CYFIP1: variants seen among roughly 807,000 people sequenced by gnomAD.
CYFIP1 encodes the protein cytoplasmic FMR1 interacting protein 1, also known as cytoplasmic FMR1-interacting protein 1.
Under a neutral mutation model 163.5 loss-of-function variants are expected in CYFIP1, and 58 were observed. The ratio of observed to expected loss-of-function variants is 0.35; its 90% CI spans 0.29 to 0.44. The LOEUF is 0.44. CYFIP1 is among the 20% of genes least tolerant of loss of function. CYFIP1 has a pLI of 1.00. For synonymous variants in CYFIP1, 663 were observed against 660.7 expected, an observed-to-expected ratio of 1.00 and a Z score of -0.05; for missense variants, 1,338 against 1,653.8, an observed-to-expected ratio of 0.81 and a Z score of 3.31.
At chr15:22,928,288 C>G (rs1384941979) in intron 11 of CYFIP1, among the ~76,000 whole-genome samples, 1 of 152,164 alleles carries the variant, frequency 6.6e-6, no homozygotes, top group Non-Finnish European at 1.5e-5. Context: ...GAGGCTGAGG[C>G]AGGAGAATGG....
chr15:22,909,346 A>C, intron 20 of CYFIP1, 33 bp from the exon 21 acceptor site: 2 of 1,611,878 alleles, frequency 1.2e-6, no homozygotes, highest in Non-Finnish European at 1.7e-6. Flanking sequence ...GCAGGTAAAG[A>C]GTGGACATGA....
chr15:22,951,317 C>T (rs1205604085), intron 1 of CYFIP1: 5 of 1,146,538 alleles, frequency 4.4e-6, no homozygotes, highest in Non-Finnish European at 5.5e-6. Context: ...CTCTCGTCCA[C>T]TTCCCTCCAC....
intron 30 of CYFIP1, chr15:22,872,487 G>T (rs2059464891): frequency 3.9e-6 from 1 of 254,530 alleles, no homozygotes; most frequent in Non-Finnish European, 7.6e-6. Flanking sequence ...GATCCATAAA[G>T]CAACAAAGAC....
At chr15:22,939,643 G>C (rs1212150283) in intron 6 of CYFIP1, 136 bp from the exon 7 acceptor site, 1 of 749,290 alleles carries the variant, frequency 1.3e-6, no homozygotes, top group Non-Finnish European at 2.1e-6. Context: ...GTCAATCTCA[G>C]AAGCCACCTA....
Position 22,875,376 on chromosome 15 carries a change from CTG to C in CYFIP1, c.3043-107_3043-106del, listed in dbSNP as rs1016525121. On this transcript the variant is annotated intron_variant, in intron 26 of 30. Coordinates refer to ENST00000617928, the MANE Select transcript of CYFIP1 (RefSeq NM_014608.6). ...TTTGCCTTTTAGCATAAAATAAACT[CTG>C]TAAGTTTATTTTATCTCTGTCAAGA... 2.0e-4 allele frequency: 191 copies of C among 933,702 alleles called. No individual in the cohort carries two copies. In the African/African-American group the frequency reaches 2.7e-3, roughly 13 times the overall value. 57.8% of individuals were successfully genotyped at this position (933,702 alleles called of 1,614,324 possible). A position where few individuals can be genotyped will look rare whatever the true frequency, so the allele number is the denominator to read the frequency against.
intron 11 of CYFIP1, among the ~76,000 whole-genome samples, chr15:22,929,553 A>G (rs1176317837): frequency 6.8e-6 from 1 of 146,086 alleles, no homozygotes; most frequent in Non-Finnish European, 1.5e-5. Flanking sequence ...AATTGCTTGA[A>G]TCCGGGAGGT....
intron 11 of CYFIP1, among the ~76,000 whole-genome samples, chr15:22,928,436 A>T (rs538786737): frequency 4.0e-5 from 6 of 150,438 alleles, no homozygotes; most frequent in South Asian, 2.1e-4. Flanking sequence ...AATAAATAAA[A>T]AGAAAATAAG....
intron 1 of CYFIP1, among the ~76,000 whole-genome samples, chr15:22,967,846 G>A (rs1366577589): frequency 1.3e-5 from 2 of 152,180 alleles, no homozygotes; most frequent in East Asian, 3.9e-4. Context: ...GACCAGCCTG[G>A]GCTACACAGT....
At chr15:22,873,818 G>A (rs1188982504) in intron 28 of CYFIP1, 89 bp from the exon 29 acceptor site, 2 of 1,188,010 alleles carry the variant, frequency 1.7e-6, no homozygotes, top group African/African-American at 3.0e-5. Context: ...TTGAGACAGG[G>A]TCTTGCTCTG....
At chr15:22,973,287 C>T (rs1348408433) in intron 1 of CYFIP1, among the ~76,000 whole-genome samples, 1 of 133,942 alleles carries the variant, frequency 7.5e-6, no homozygotes, top group Admixed American at 8.7e-5. Context: ...GCATTCCAGC[C>T]TGGGTGACAG....
intron 1 of CYFIP1, among the ~76,000 whole-genome samples, chr15:22,962,401 CT>C (rs397738085): frequency 1.8e-4 from 25 of 142,724 alleles, no homozygotes; most frequent in South Asian, 4.4e-4. Flanking sequence ...TCTTTTTTTT[CT>C]TTTTTTTTTT....
At position 22,914,712 on chromosome 15, in the gene CYFIP1, C is replaced by T. The variant is rs1566965063; in HGVS notation, c.1985+14G>A. The T allele has an allele frequency of 7.5e-6, 12 of 1,602,270 alleles. No individual in the cohort carries two copies. The highest frequency in any genetic ancestry group is 8.5e-6 in the Non-Finnish European group (10 of 1,173,626). ...CACACACAAAGGCTGGAGACAGGCCCGCAGGACACGCACTCCATCATCGAT... is the reference window on the plus strand; with the variant it reads ...CACACACAAAGGCTGGAGACAGGCCTGCAGGACACGCACTCCATCATCGAT... On this transcript the variant is annotated intron_variant, in intron 17 of 30. Coordinates refer to ENST00000617928, the MANE Select transcript of CYFIP1 (RefSeq NM_014608.6).
chr15:22,967,447 G>A (rs1301859928), intron 1 of CYFIP1, among the ~76,000 whole-genome samples: 1 of 152,172 alleles, frequency 6.6e-6, no homozygotes, highest in Non-Finnish European at 1.5e-5. Flanking sequence ...ACAGGAGTGC[G>A]GCCGACATAT....
In CYFIP1 at chr15:22,868,672, T is replaced by C. The variant is rs1158559849; in HGVS notation, c.*1356A>G. ...GAGTTTGGCAGTGTAACAGGATGGT[T>C]CGTACACTTACTACTTTTCTGTGCC... is the stretch of plus-strand genomic sequence containing the variant. On this transcript the variant is annotated 3_prime_UTR_variant, in exon 31 of 31. Transcript: ENST00000617928. 1 of 139,502 alleles carries C rather than the reference T, an allele frequency of 7.2e-6. No individual in the cohort carries two copies. The highest frequency in any genetic ancestry group is 3.2e-5 in the African/African-American group (1 of 31,174). The allele number at this position is 139,502 out of a possible 1,614,324, so 8.6% of individuals were successfully genotyped here.
intron 10 of CYFIP1, among the ~76,000 whole-genome samples, chr15:22,932,676 C>A (rs192272086): frequency 6.6e-6 from 1 of 152,282 alleles, no homozygotes; most frequent in East Asian, 1.9e-4. Flanking sequence ...CCCTGAGGCT[C>A]AGATGGCTCT....
intron 11 of CYFIP1, among the ~76,000 whole-genome samples, chr15:22,929,462 T>G (rs2061462353): frequency 6.6e-6 from 1 of 151,548 alleles, no homozygotes; most frequent in African/African-American, 2.4e-5. Context: ...TGAAACCCCG[T>G]CTCTACTAAA....
intron 1 of CYFIP1, among the ~76,000 whole-genome samples, chr15:22,951,842 T>A (rs867935597): frequency 2.6e-5 from 4 of 152,158 alleles, no homozygotes; most frequent in Non-Finnish European, 5.9e-5. Context: ...TGCTCGTGCG[T>A]CAGCTGTGAT....
chr15:22,979,980 G>A (rs1289007694), intron 1 of CYFIP1, among the ~76,000 whole-genome samples: 2 of 152,110 alleles, frequency 1.3e-5, no homozygotes, highest in African/African-American at 4.8e-5. Context: ...GCGCGAGGCG[G>A]TGAACGCGGG....
intron 23 of CYFIP1, among the ~76,000 whole-genome samples, chr15:22,891,294 G>A (rs1011882555): frequency 1.3e-5 from 2 of 152,008 alleles, no homozygotes; most frequent in Non-Finnish European, 2.9e-5. Context: ...GCATGGTGTT[G>A]CACACCTGTA....
Sources: gnomAD v4.1 joint callset for allele counts (sites outside exome capture counted in the v4.1 genomes callset) on GRCh38, gnomAD v4.1.1 for gene constraint, MANE v1.5 for transcripts, NCBI Gene and HGNC (gene_info 2026-07-23, HGNC 2026-07-21) for gene names.